BCAP31: variants seen among roughly 807,000 people sequenced by gnomAD.
BCAP31 encodes B-cell receptor-associated protein 31.
For missense variants in BCAP31, 124 were observed against 193.0 expected (o/e 0.64, Z 2.12); for synonymous variants, 75 against 80.9 (o/e 0.93, Z 0.39).
chrX:153,703,410 G>A (rs181656207), intron 5 of BCAP31, among the ~76,000 whole-genome samples: 2 of 113,054 alleles, frequency 1.8e-5, no homozygotes, highest in Non-Finnish European at 3.8e-5. Context: ...GCGGTGCCTC[G>A]TGCTCCCTAC....
At chrX:153,701,630 AG>A (rs1557047354) in intron 7 of BCAP31, among the ~76,000 whole-genome samples, 1 of 112,732 alleles carries the variant, frequency 8.9e-6, no homozygotes, top group Non-Finnish European at 1.9e-5. Flanking sequence ...TCACTTGCCC[AG>A]GGATCTTTGC....
intron 4 of BCAP31, among the ~76,000 whole-genome samples, chrX:153,709,764 G>A (rs2091577415): frequency 8.8e-6 from 1 of 113,109 alleles, no homozygotes; most frequent in East Asian, 2.8e-4. Context: ...TAAAGCTGTC[G>A]CCGTCAGCCC....
At chrX:153,716,810 C>T (rs1247360337) in intron 3 of BCAP31, among the ~76,000 whole-genome samples, 1 of 111,460 alleles carries the variant, frequency 9.0e-6, no homozygotes. Flanking sequence ...GGAGTCAAGA[C>T]CTGCAGGATA....
At chrX:153,720,349 C>T (rs1368977794) in intron 3 of BCAP31, among the ~76,000 whole-genome samples, 1 of 105,429 alleles carries the variant, frequency 9.5e-6, no homozygotes, top group Non-Finnish European at 2.0e-5. Flanking sequence ...AAGCCCACGC[C>T]CACTGCTAGA....
chrX:153,702,259 T>C (rs2091523452), intron 6 of BCAP31, 152 bp from the exon 7 acceptor site: 3 of 462,696 alleles, frequency 6.5e-6, no homozygotes, highest in Non-Finnish European at 1.1e-5. Flanking sequence ...GCCCCTCTGC[T>C]TTTGCAGGCC....
At chrX:153,707,974 T>C (rs1246450798) in intron 4 of BCAP31, among the ~76,000 whole-genome samples, 7 of 113,096 alleles carry the variant, frequency 6.2e-5, no homozygotes, top group African/African-American at 2.2e-4. Context: ...CCCGAATCAC[T>C]GTTCTTAGCT....
intron 4 of BCAP31, among the ~76,000 whole-genome samples, chrX:153,711,765 C>T (rs1417108224): frequency 9.1e-6 from 1 of 110,181 alleles, no homozygotes; most frequent in South Asian, 3.9e-4. Context: ...ATTAGCCAGG[C>T]GTGGTGGCAT....
chrX:153,723,062 T>A, intron 2 of BCAP31, 91 bp downstream of exon 2: 1 of 1,068,228 alleles, frequency 9.4e-7, no homozygotes, highest in Non-Finnish European at 1.3e-6. Context: ...CGGGTCCCAA[T>A]TCCAGGGTCC....
At chrX:153,711,424 G>GTCACCAGT (rs2091590437) in intron 4 of BCAP31, among the ~76,000 whole-genome samples, 1 of 112,440 alleles carries the variant, frequency 8.9e-6, no homozygotes, top group African/African-American at 3.2e-5. Context: ...CCACACAGGT[G>GTCACCAGT]ACTGCATGCC....
intron 7 of BCAP31, 23 bp from the exon 8 acceptor site, chrX:153,700,998 C>T (rs781871007): frequency 4.2e-6 from 5 of 1,201,140 alleles, no homozygotes; most frequent in Non-Finnish European, 4.5e-6. Flanking sequence ...AGAAATCCCA[C>T]AGCAGTAGGT....
intron 4 of BCAP31, among the ~76,000 whole-genome samples, chrX:153,710,193 C>T (rs1557048947): frequency 1.8e-5 from 2 of 111,688 alleles, no homozygotes; most frequent in African/African-American, 6.5e-5. Flanking sequence ...GGGGGAGCCG[C>T]GTCCTGGAGG....
chrX:153,715,006 G>T (rs1228584376), intron 4 of BCAP31, among the ~76,000 whole-genome samples: 1 of 111,536 alleles, frequency 9.0e-6, no homozygotes, highest in Non-Finnish European at 1.9e-5. Flanking sequence ...CCTTGATTAA[G>T]GTACTTAGTT....
In BCAP31 at chrX:153,715,410, G is replaced by C. The variant is rs17091297; in HGVS notation, c.341+132C>G. 1.0e-3 allele frequency: 1,017 copies of C among 980,718 alleles called. 9 individuals carry two copies. In the African/African-American group the frequency reaches 0.017, roughly 16 times the overall value. 80.8% of individuals were successfully genotyped at this position (980,718 alleles called of 1,213,427 possible). A position where few individuals can be genotyped will look rare whatever the true frequency, so the allele number is the denominator to read the frequency against. On this transcript the variant is annotated intron_variant, in intron 4 of 7. Coordinates refer to ENST00000345046, the MANE Select transcript of BCAP31 (RefSeq NM_001256447.2). ...TATGTGGCTTCCCTAACACAGACAGGGCTTTGGGATCCAGGCCACAGACTG... is the reference window on the plus strand; with the variant it reads ...TATGTGGCTTCCCTAACACAGACAGCGCTTTGGGATCCAGGCCACAGACTG...
At chrX:153,721,760 T>C (rs781837127) in intron 2 of BCAP31, among the ~76,000 whole-genome samples, 214 of 108,362 alleles carry the variant, frequency 2.0e-3, no homozygotes, top group Admixed American at 3.6e-3. Flanking sequence ...TAGCTGGGCA[T>C]GTTGGCAGGC....
intron 6 of BCAP31, chrX:153,702,353 G>A (rs1440656182): frequency 9.4e-6 from 3 of 319,184 alleles, no homozygotes; most frequent in Non-Finnish European, 1.6e-5. Flanking sequence ...CCCTTTAATG[G>A]AGAGGAACTC....
intron 4 of BCAP31, among the ~76,000 whole-genome samples, chrX:153,710,728 G>A (rs1238938232): frequency 2.0e-4 from 22 of 111,278 alleles, no homozygotes; most frequent in African/African-American, 4.9e-4. Context: ...AAGGCTACTC[G>A]GGAGCTCTCA....
chrX:153,702,265 A>T, intron 6 of BCAP31, 158 bp from the exon 7 acceptor site: 2 of 449,101 alleles, frequency 4.5e-6, no homozygotes, highest in Admixed American at 8.4e-5. Context: ...CTGCTTTTGC[A>T]GGCCCCCAAA....
rs2091662003 is a variant in BCAP31 at position 153,721,059 on chromosome X, G to C, written c.93-87C>G. 8.7e-6 allele frequency: 7 copies of C among 807,488 alleles called. No individual in the cohort carries two copies. In the South Asian group the frequency reaches 9.8e-5, roughly 11 times the overall value. 66.5% of individuals were successfully genotyped at this position (807,488 alleles called of 1,213,427 possible). A position where few individuals can be genotyped will look rare whatever the true frequency, so the allele number is the denominator to read the frequency against. ...CTGAGCAAAATGGAAATCCAGCTTT[G>C]TACTCTTCTCCAATGGCCGAATAGC... On this transcript the variant is annotated intron_variant, in intron 2 of 7. Transcript: ENST00000345046.
intron 4 of BCAP31, among the ~76,000 whole-genome samples, chrX:153,710,157 CAG>C (rs782214858): frequency 1.2e-3 from 135 of 111,905 alleles, no homozygotes; most frequent in African/African-American, 4.0e-3. Flanking sequence ...TGCTTCATGA[CAG>C]GGGGAGGCCG....
Sources: gnomAD v4.1 joint callset for allele counts (sites outside exome capture counted in the v4.1 genomes callset) on GRCh38, gnomAD v4.1.1 for gene constraint, MANE v1.5 for transcripts, NCBI Gene and HGNC (gene_info 2026-07-23, HGNC 2026-07-21) for gene names.